Variants in KCNMB3 observed in about 807,000 individuals in gnomAD.
The protein encoded by KCNMB3 is potassium calcium-activated channel subfamily M regulatory beta subunit 3.
Under a neutral mutation model 11.9 loss-of-function variants are expected in KCNMB3, and 18 were observed. The observed-to-expected ratio is 1.51, with a 90% confidence interval of 1.04 to 2.23. The LOEUF is 2.23. KCNMB3 is among the 30% of genes most tolerant of loss of function. The pLI is 0.00. For synonymous variants in KCNMB3, 78 were observed against 119.2 expected (o/e 0.65, Z 2.25); for missense variants, 247 against 329.4 (o/e 0.75, Z 1.94).
At chr3:179,260,605 C>T (rs1343904462) in intron 1 of KCNMB3, 1 of 1,446,748 alleles carries the variant, frequency 6.9e-7, no homozygotes, top group Non-Finnish European at 9.7e-7. Flanking sequence ...CTTTCGTCAT[C>T]TTGGTAGGAT....
At chr3:179,266,986 C>CTG (rs1016970908), upstream of KCNMB3, 57 of 1,209,644 alleles carry the variant, frequency 4.7e-5, no homozygotes, top group Admixed American at 2.0e-3. Flanking sequence ...GAAGCTGCTT[C>CTG]TCTCTCTTTG....
chr3:179,258,067 G>C lies in KCNMB3; in HGVS notation c.63-7133C>G, dbSNP rs555724483. ...GCCTGGCCAATTTTTTGTATTTTTC[G>C]TAGAGACAGGGTTTCACCATGTTGG... is the stretch of plus-strand genomic sequence containing the variant. On this transcript the variant is annotated intron_variant, in intron 1 of 3. Coordinates refer to the KCNMB3 transcript ENST00000349697. 3.3e-5 allele frequency among the ~76,000 whole-genome samples: 5 copies of C among 152,114 alleles called. No homozygotes were observed. The South Asian group carries it at 8.3e-4, about 25-fold the overall frequency.
intron 1 of KCNMB3, chr3:179,261,301 G>A: frequency 1.6e-6 from 2 of 1,264,734 alleles, no homozygotes; most frequent in East Asian, 3.4e-5. Context: ...GCTCCACCCG[G>A]CGGGAAACGC....
chr3:179,250,987 A>T lies in KCNMB3; in HGVS notation c.4T>A (p.Phe2Ile). Residue 2 changes from phenylalanine to isoleucine, a missense_variant, in exon 1 of 3, where the codon TTC becomes ATC. Physicochemically the swap from Phe to Ile is conservative, Grantham distance 21. This residue lies in a region of KCNMB3 where 160 missense variants were observed against 157.5 expected (regional missense o/e 1.02). Transcript: ENST00000392685. ...GCAGTGAGCTCATAAAGAAGGGGGA[A>T]CATTTCCAATCCATGGGGACTGGAG... is the stretch of plus-strand genomic sequence containing the variant. Reference protein sequence around the residue: MFPLLYELTAVS... With the variant: MIPLLYELTAVS... The T allele has an allele frequency of 6.2e-7, 1 of 1,614,158 alleles. No homozygotes were observed. Among genetic ancestry groups the T allele is most frequent in the Non-Finnish European group, 8.5e-7 (1 of 1,180,026 alleles).
At chr3:179,264,016 G>A (rs866915463) in intron 1 of KCNMB3, among the ~76,000 whole-genome samples, 20 of 151,846 alleles carry the variant, frequency 1.3e-4, no homozygotes, top group Admixed American at 4.6e-4. Flanking sequence ...ATGTTGGCCA[G>A]GCTAGTCTCG....
chr3:179,240,118 G>A (rs1254366998), downstream of KCNMB3: 1 of 1,240,870 alleles, frequency 8.1e-7, no homozygotes, highest in Non-Finnish European at 1.1e-6. Context: ...ACAATCCTTA[G>A]TGTACTACAT....
chr3:179,246,743 A>C (rs1284894031), intron 1 of KCNMB3, among the ~76,000 whole-genome samples: 1 of 152,242 alleles, frequency 6.6e-6, no homozygotes, highest in Non-Finnish European at 1.5e-5. Flanking sequence ...TTTATCTGTT[A>C]GAACTTAAGC....
At chr3:179,261,862 A>G (rs2108458148) in intron 1 of KCNMB3, among the ~76,000 whole-genome samples, 1 of 152,360 alleles carries the variant, frequency 6.6e-6, no homozygotes, top group South Asian at 2.1e-4. Context: ...ATCTATATGC[A>G]TGTTTTTACA....
chr3:179,239,876 TGACACAGCA>T (rs1410505652), downstream of KCNMB3: 22 of 599,324 alleles, frequency 3.7e-5, no homozygotes. Context: ...AGAAAGCATT[TGACACAGCA>T]AGATGCATGT....
At chr3:179,265,520 A>C (rs112697440) in intron 1 of KCNMB3, among the ~76,000 whole-genome samples, 1 of 152,120 alleles carries the variant, frequency 6.6e-6, no homozygotes, top group Non-Finnish European at 1.5e-5. Flanking sequence ...GCAATGGCAC[A>C]ATCTCTGCTC....
intron 1 of KCNMB3, chr3:179,261,373 G>A (rs902623656): frequency 2.5e-5 from 28 of 1,126,166 alleles, no homozygotes; most frequent in Non-Finnish European, 2.9e-5. Flanking sequence ...CTCTGTCCGC[G>A]GAGACGGAGC....
chr3:179,249,544 G>A (rs1270873276), intron 1 of KCNMB3, among the ~76,000 whole-genome samples: 3 of 151,744 alleles, frequency 2.0e-5, no homozygotes, highest in Non-Finnish European at 2.9e-5. Context: ...ATGGTGGCAG[G>A]CGCCTGTAAT....
intron 1 of KCNMB3, chr3:179,261,009 C>T (rs1015802971): frequency 2.1e-6 from 2 of 973,820 alleles, no homozygotes; most frequent in African/African-American, 3.3e-5. Context: ...GAGGTGTCTC[C>T]GCTGCCTCTC....
At chr3:179,260,304 G>T (rs901636529) in intron 1 of KCNMB3, 3 of 1,613,904 alleles carry the variant, frequency 1.9e-6, no homozygotes, top group Non-Finnish European at 2.5e-6. Context: ...TTCAGGGAGA[G>T]AAGCGCTCTC....
At chr3:179,249,581 G>A (rs1055997175) in intron 1 of KCNMB3, among the ~76,000 whole-genome samples, 2 of 152,084 alleles carry the variant, frequency 1.3e-5, no homozygotes, top group African/African-American at 2.4e-5. Flanking sequence ...GCTGAGGCAG[G>A]AGAACTGCTT....
chr3:179,250,745 G>A lies in KCNMB3; in HGVS notation c.246C>T (p.Leu82=), dbSNP rs945273323. ...GATTTCCTTCCTCTGTTTCTTACCTGAGCATAAAAGGCTTTAGAATGGTTG... is the reference window on the plus strand; with the variant it reads ...GATTTCCTTCCTCTGTTTCTTACCTAAGCATAAAAGGCTTTAGAATGGTTG... ...LGTTILKPFM[L]SIQREESTCT... is the part of the protein sequence containing the mutation. Residue 82 remains leucine, a splice_region_variant and synonymous_variant, in exon 1 of 3, where the codon CTC becomes CTT. Coordinates refer to ENST00000392685, the MANE Select transcript of KCNMB3 (RefSeq NM_171830.2). The A allele has an allele frequency of 8.1e-6, 13 of 1,613,972 alleles. No homozygotes were observed. Among genetic ancestry groups the A allele is most frequent in the Admixed American group, 5.0e-5 (3 of 59,998 alleles).
At chr3:179,260,586 T>G (rs888964118) in intron 1 of KCNMB3, 7 of 1,508,752 alleles carry the variant, frequency 4.6e-6, no homozygotes, top group Middle Eastern at 1.7e-4. Flanking sequence ...TTGAGGGCAT[T>G]TAACTCTTCT....
chr3:179,240,298 A>ATG (rs1174171059), downstream of KCNMB3: 3 of 461,976 alleles, frequency 6.5e-6, no homozygotes, highest in Non-Finnish European at 1.2e-5. Flanking sequence ...TACCCCAGTA[A>ATG]AGTGATGAAT....
At chr3:179,256,487 T>G (rs555446511), upstream of KCNMB3, among the ~76,000 whole-genome samples, 22 of 152,130 alleles carry the variant, frequency 1.4e-4, 1 homozygote, top group South Asian at 4.6e-3. Flanking sequence ...AGTAATTATC[T>G]TATTACTATT....
Sources: allele counts gnomAD v4.1 joint callset (sites outside exome capture counted in the v4.1 genomes callset), GRCh38; gene constraint gnomAD v4.1.1; regional missense constraint gnomAD v4.1.1; transcripts MANE v1.5; gene names NCBI Gene and HGNC (gene_info 2026-07-23, HGNC 2026-07-21).